The following GRIK1 variants were observed in gnomAD, a reference collection of about 807,000 sequenced individuals.
GRIK1 encodes glutamate ionotropic receptor kainate type subunit 1.
A neutral mutation model predicts 105.7 loss-of-function variants in GRIK1; 69 were observed. The observed-to-expected ratio is 0.65, with a 90% CI of 0.54 to 0.80. The LOEUF (loss-of-function observed/expected upper bound fraction) is 0.80, where lower values mean the gene tolerates loss of function less well. Among genes scored for constraint, GRIK1 ranks in the 30% least tolerant of loss-of-function variants. The pLI is 0.00. For synonymous variants in GRIK1, 438 were observed against 431.3 expected, an observed-to-expected ratio of 1.02 and a Z score of -0.19; for missense variants, 1,109 against 1,167.3, an observed-to-expected ratio of 0.95 and a Z score of 0.73.
chr21:29,813,021 G>T (rs917724448), intron 1 of GRIK1, among the ~76,000 whole-genome samples: 2 of 152,098 alleles, frequency 1.3e-5, no homozygotes, highest in Non-Finnish European at 2.9e-5. Context: ...CATTAGCATT[G>T]GTTCAGTGAG....
chr21:29,537,994 T>C (rs1364383592), intron 16 of GRIK1, 110 bp from the exon 17 acceptor site: 2 of 634,478 alleles, frequency 3.2e-6, no homozygotes, highest in African/African-American at 1.8e-5. Context: ...AAAAATAATG[T>C]GGTACTGAAC....
At chr21:29,695,782 A>AT (rs2063690544) in intron 1 of GRIK1, among the ~76,000 whole-genome samples, 2 of 152,048 alleles carry the variant, frequency 1.3e-5, no homozygotes, top group Non-Finnish European at 2.9e-5. Flanking sequence ...CCAGGCTGCT[A>AT]TTTTTTATCT....
At chr21:29,857,002 G>A (rs2068483882) in intron 1 of GRIK1, among the ~76,000 whole-genome samples, 1 of 152,140 alleles carries the variant, frequency 6.6e-6, no homozygotes, top group African/African-American at 2.4e-5. Flanking sequence ...GAGCTAAGGT[G>A]GGGGACAGAT....
chr21:29,778,318 T>G (rs1450242291), intron 1 of GRIK1, among the ~76,000 whole-genome samples: 1 of 152,188 alleles, frequency 6.6e-6, no homozygotes, highest in Non-Finnish European at 1.5e-5. Context: ...ATAAAGCCGA[T>G]TTGTTGTTTT....
intron 1 of GRIK1, among the ~76,000 whole-genome samples, chr21:29,928,828 A>G (rs1305027404): frequency 6.6e-6 from 1 of 152,148 alleles, no homozygotes; most frequent in Non-Finnish European, 1.5e-5. Context: ...TCCTGGAGGA[A>G]TGACAGCAAA....
At chr21:29,600,437 A>AG (rs1350173171) in intron 7 of GRIK1, among the ~76,000 whole-genome samples, 1 of 152,200 alleles carries the variant, frequency 6.6e-6, no homozygotes, top group Admixed American at 6.5e-5. Context: ...TTCAATCATT[A>AG]GGTGATTTTT....
At chr21:29,662,909 A>G (rs1394443695) in intron 4 of GRIK1, among the ~76,000 whole-genome samples, 1 of 152,172 alleles carries the variant, frequency 6.6e-6, no homozygotes, top group Non-Finnish European at 1.5e-5. Flanking sequence ...ATTGATAGTT[A>G]CTAAAAACTC....
At chr21:29,840,680 T>C (rs539162904) in intron 1 of GRIK1, among the ~76,000 whole-genome samples, 1 of 152,276 alleles carries the variant, frequency 6.6e-6, no homozygotes, top group African/African-American at 2.4e-5. Flanking sequence ...AATTCAATAA[T>C]TGTTTTGGCT....
At chr21:29,902,553 A>C (rs2070448899) in intron 1 of GRIK1, among the ~76,000 whole-genome samples, 1 of 152,220 alleles carries the variant, frequency 6.6e-6, no homozygotes, top group Non-Finnish European at 1.5e-5. Flanking sequence ...ATTGCTACTA[A>C]AAGAATCAAA....
At position 29,784,507 on chromosome 21, in the gene GRIK1, GT is replaced by G. The variant is rs765341806; in HGVS notation, c.119-90445del. Among the ~76,000 whole-genome samples, 14 of 150,894 alleles carry G rather than the reference GT, an allele frequency of 9.3e-5. No individual in the cohort carries two copies. In the East Asian group the frequency reaches 1.4e-3, roughly 15 times the overall value. Reference sequence around the variant, plus strand: ...GGGGTAGTATTTAATCTTTGTCTAGGTTTTTTTTTAAAAAAATATCACATTA... The same window carrying G: ...GGGGTAGTATTTAATCTTTGTCTAGGTTTTTTTTAAAAAAATATCACATTA... On this transcript the variant is annotated intron_variant, in intron 1 of 17. Transcript: ENST00000327783.
In GRIK1 at chr21:29,642,937, G is replaced by A. The variant is rs1441082338; in HGVS notation, c.987C>T (p.Tyr329=). 6 of 1,613,902 alleles carry A rather than the reference G, an allele frequency of 3.7e-6. No individual in the cohort carries two copies. The highest frequency in any genetic ancestry group is 5.1e-6 in the Non-Finnish European group (6 of 1,179,874). ...CCCGGTGCGAGGCAATGGCCACCAT[G>A]TACACAGCATCGTACATCAGAGCCG... ...TEAALMYDAV[Y]MVAIASHRAS... is the part of the protein sequence containing the mutation. The change falls in exon 7 of 18, where the codon TAC becomes TAT. Residue 329 remains tyrosine, a synonymous_variant. Transcript: ENST00000327783.
rs191881118 is a variant in GRIK1, at chr21:29,797,881, C to T, written c.119-103818G>A. ...CCCAATCATCCCTTTATTATTGCCT[C>T]CTCTGAGTAGATACTGCATCCTACA... On this transcript the variant is annotated intron_variant, in intron 1 of 17. Coordinates refer to ENST00000327783, the MANE Select transcript of GRIK1 (RefSeq NM_001330994.2). Among the ~76,000 whole-genome samples the T allele has an allele frequency of 5.3e-5, 8 of 152,282 alleles. No individual in the cohort carries two copies. The East Asian group carries it at 9.7e-4, about 18-fold the overall frequency.
chr21:29,834,354 T>C lies in GRIK1; in HGVS notation c.118+105029A>G, dbSNP rs550273821. Among the ~76,000 whole-genome samples the C allele has an allele frequency of 1.2e-4, 18 of 149,330 alleles. No homozygotes were observed. The South Asian group carries it at 3.8e-3, about 31-fold the overall frequency. On this transcript the variant is annotated intron_variant, in intron 1 of 17. Coordinates refer to ENST00000327783, the MANE Select transcript of GRIK1 (RefSeq NM_001330994.2). ...TATATATATTTATGTATTACATATA[T>C]ATTATATATGTAAAATGATGGTTAT...
chr21:29,591,976 A>G (rs1231007395), intron 9 of GRIK1, among the ~76,000 whole-genome samples: 1 of 152,206 alleles, frequency 6.6e-6, no homozygotes, highest in Non-Finnish European at 1.5e-5. Flanking sequence ...GCTTGGGTTC[A>G]GGAAGTCAAG....
At chr21:29,620,800 T>TATATATAG (rs1555851197) in intron 7 of GRIK1, among the ~76,000 whole-genome samples, 5 of 107,512 alleles carry the variant, frequency 4.7e-5, no homozygotes, top group African/African-American at 2.7e-4. Flanking sequence ...TATCTATATA[T>TATATATAG]ATATAGATAT....
chr21:29,623,734 A>C (rs535341153), intron 7 of GRIK1, among the ~76,000 whole-genome samples: 15 of 152,354 alleles, frequency 9.8e-5, no homozygotes, highest in South Asian at 2.1e-4. Context: ...TGAAATAAAT[A>C]AAATAGAATG....
chr21:29,607,180 A>G (rs1448478025), intron 7 of GRIK1, among the ~76,000 whole-genome samples: 2 of 152,162 alleles, frequency 1.3e-5, no homozygotes. Context: ...TATCAGCTAG[A>G]TGCAGGTAAT....
At chr21:29,675,478 CT>C (rs1200727916) in intron 3 of GRIK1, among the ~76,000 whole-genome samples, 17 of 152,110 alleles carry the variant, frequency 1.1e-4, no homozygotes, top group Admixed American at 1.1e-3. Flanking sequence ...ATGAACTGCT[CT>C]CTTTTTCTGT....
At chr21:29,627,478 A>G (rs927017302) in intron 7 of GRIK1, among the ~76,000 whole-genome samples, 2 of 152,158 alleles carry the variant, frequency 1.3e-5, no homozygotes, top group African/African-American at 4.8e-5. Context: ...TGTGGGAGAA[A>G]GAGATTCCCG....
Sources: gnomAD v4.1 joint callset for allele counts (sites outside exome capture counted in the v4.1 genomes callset) on GRCh38, gnomAD v4.1.1 for gene constraint, MANE v1.5 for transcripts, NCBI Gene and HGNC (gene_info 2026-07-23, HGNC 2026-07-21) for gene names.